Variants in TTC6 observed in about 807,000 individuals in gnomAD.
TTC6 encodes tetratricopeptide repeat protein 6.
Under a neutral mutation model 210.4 loss-of-function variants are expected in TTC6, and 172 were observed. That is an observed-to-expected ratio of 0.82 (90% CI 0.72 to 0.93). TTC6 has a LOEUF of 0.93. Among genes scored for constraint, TTC6 ranks in the 40% least tolerant of loss-of-function variants. TTC6 has a pLI of 0.00. For synonymous variants in TTC6, 804 were observed against 819.6 expected (o/e 0.98, Z 0.32); for missense variants, 2,414 against 2,318.1 (o/e 1.04, Z -0.85).
At chr14:37,766,578 A>G (rs1444653489) in intron 14 of TTC6, among the ~76,000 whole-genome samples, 1 of 152,178 alleles carries the variant, frequency 6.6e-6, no homozygotes, top group South Asian at 2.1e-4. Context: ...TCCATGCTGT[A>G]TATGTACCAC....
chr14:37,788,532 G>A (rs958167362), intron 15 of TTC6, among the ~76,000 whole-genome samples: 1 of 152,170 alleles, frequency 6.6e-6, no homozygotes, highest in South Asian at 2.1e-4. Flanking sequence ...TTCATTCTGT[G>A]TGTTGACAGG....
chr14:37,741,299 T>G (rs957601568), intron 10 of TTC6, among the ~76,000 whole-genome samples: 2 of 89,990 alleles, frequency 2.2e-5, no homozygotes, highest in Non-Finnish European at 4.9e-5. Flanking sequence ...TTTTTTTTTT[T>G]TTTTTTTTTT....
chr14:37,798,390 T>TAGCAA (rs2096097662), intron 20 of TTC6, among the ~76,000 whole-genome samples: 3 of 67,566 alleles, frequency 4.4e-5, no homozygotes, highest in Non-Finnish European at 1.5e-4. Flanking sequence ...TTATAAAGGG[T>TAGCAA]ATCTTTAAAA....
At chr14:37,784,939 G>A (rs933618024) in intron 14 of TTC6, among the ~76,000 whole-genome samples, 5 of 152,290 alleles carry the variant, frequency 3.3e-5, no homozygotes, top group Non-Finnish European at 5.9e-5. Context: ...TAAGAATGTT[G>A]AATATTGGCC....
chr14:37,753,649 G>A (rs2095958908), intron 14 of TTC6, among the ~76,000 whole-genome samples: 1 of 152,018 alleles, frequency 6.6e-6, no homozygotes, highest in Admixed American at 6.6e-5. Flanking sequence ...GCTCACTGCA[G>A]CCTGAATCTC....
chr14:37,623,675 GA>G (rs2095655439), intron 1 of TTC6, among the ~76,000 whole-genome samples: 1 of 152,090 alleles, frequency 6.6e-6, no homozygotes, highest in Middle Eastern at 3.2e-3. Context: ...AGTTAAAAAA[GA>G]TTGGCACAGT....
intron 6 of TTC6, among the ~76,000 whole-genome samples, chr14:37,716,563 A>G (rs948118951): frequency 6.6e-6 from 1 of 152,166 alleles, no homozygotes; most frequent in Non-Finnish European, 1.5e-5. Flanking sequence ...ACTTCCAAGC[A>G]AAGAAAGTTC....
chr14:37,702,220 T>C (rs369865294), intron 5 of TTC6, among the ~76,000 whole-genome samples: 1 of 152,330 alleles, frequency 6.6e-6, no homozygotes, highest in East Asian at 1.9e-4. Flanking sequence ...GGGTTCGTGA[T>C]ACCAGGTTAC....
intron 7 of TTC6, among the ~76,000 whole-genome samples, chr14:37,725,413 C>T (rs1278046451): frequency 2.1e-5 from 3 of 143,066 alleles, no homozygotes; most frequent in African/African-American, 5.2e-5. Context: ...GGCAATGGTG[C>T]GATCTTGGCT....
intron 24 of TTC6, among the ~76,000 whole-genome samples, chr14:37,811,378 T>C (rs1444110852): frequency 6.6e-6 from 1 of 152,200 alleles, no homozygotes; most frequent in Admixed American, 6.6e-5. Flanking sequence ...ATAGGATCTT[T>C]AACTGCACAT....
chr14:37,734,551 G>T (rs1433012431), intron 7 of TTC6, among the ~76,000 whole-genome samples: 1 of 152,120 alleles, frequency 6.6e-6, no homozygotes, highest in African/African-American at 2.4e-5. Flanking sequence ...ATTATATGTA[G>T]CTCTCAGTTG....
intron 14 of TTC6, among the ~76,000 whole-genome samples, chr14:37,765,395 A>C (rs1262063867): frequency 6.9e-6 from 1 of 145,708 alleles, no homozygotes; most frequent in Non-Finnish European, 1.5e-5. Flanking sequence ...AACCCAGGTT[A>C]GTTTCAAACG....
intron 7 of TTC6, among the ~76,000 whole-genome samples, chr14:37,733,529 A>G (rs189268045): frequency 6.6e-6 from 1 of 152,290 alleles, no homozygotes; most frequent in African/African-American, 2.4e-5. Flanking sequence ...TTAACAGAGT[A>G]ATGATGTTCC....
In TTC6 at chr14:37,827,188, T is replaced by C. The variant is rs765457868; in HGVS notation, c.5128-8T>C. The stretch of plus-strand genomic sequence containing the variant: ...CCAATGTTAAATAATCATAATATTA[T>C]ACTGCAGATCAGTACTACAGCAGAA... On this transcript the variant is annotated splice_polypyrimidine_tract_variant and splice_region_variant and intron_variant, in intron 28 of 30. Transcript: ENST00000553443. 3.9e-5 allele frequency: 63 copies of C among 1,605,028 alleles called. No individual in the cohort carries two copies. Among genetic ancestry groups the C allele is most frequent in the Non-Finnish European group, 5.1e-5 (60 of 1,174,924 alleles).
At chr14:37,622,681 G>C (rs1426859771) in exon 1 of TTC6, 2 of 1,535,170 alleles carry the variant, frequency 1.3e-6, no homozygotes, top group African/African-American at 2.7e-5. Context: ...AGGAAGGCCA[G>C]CTCCGTCTCC....
chr14:37,841,600 A>G lies in TTC6; in HGVS notation c.5454A>G (p.Val1818=), dbSNP rs747541194. The G allele has an allele frequency of 4.4e-6, 7 of 1,606,080 alleles. No homozygotes were observed. In the South Asian group the frequency reaches 5.7e-5, roughly 13 times the overall value. ...AAAGCTGTCCCTTTTGGGCTGCAGT[A>G]TATTTTAATAGAGCACATTTCTACT... The change falls in exon 30 of 31, where the codon GTA becomes GTG. Residue 1818 remains valine (V), a synonymous_variant. Transcript: ENST00000553443.
chr14:37,805,447 ACACACAAAC>A (rs2096116257), intron 21 of TTC6, among the ~76,000 whole-genome samples: 1 of 151,058 alleles, frequency 6.6e-6, no homozygotes, highest in Admixed American at 6.6e-5. Context: ...ACACACACAC[ACACACAAAC>A]ACACACACAT....
At chr14:37,626,394 A>G (rs2095660320) in intron 1 of TTC6, among the ~76,000 whole-genome samples, 1 of 152,196 alleles carries the variant, frequency 6.6e-6, no homozygotes, top group Non-Finnish European at 1.5e-5. Context: ...TGACCTAGAT[A>G]AGAGAAAATT....
intron 14 of TTC6, among the ~76,000 whole-genome samples, chr14:37,776,903 A>T (rs1480180774): frequency 1.3e-5 from 2 of 152,118 alleles, no homozygotes; most frequent in Non-Finnish European, 2.9e-5. Context: ...TCTCAAAAAA[A>T]AAATTGCTGA....
Sources: allele counts gnomAD v4.1 joint callset (sites outside exome capture counted in the v4.1 genomes callset), GRCh38; gene constraint gnomAD v4.1.1; transcripts MANE v1.5; gene names NCBI Gene and HGNC (gene_info 2026-07-23, HGNC 2026-07-21).